COL16A1: variants seen among roughly 807,000 people sequenced by gnomAD.
The protein encoded by COL16A1 is collagen type XVI alpha 1 chain, also known as collagen alpha-1(XVI) chain.
Under a neutral mutation model 266.3 loss-of-function variants are expected in COL16A1, and 189 were observed. The observed-to-expected ratio is 0.71, with a 90% CI of 0.63 to 0.80. COL16A1 has a LOEUF of 0.80. Among genes scored for constraint, COL16A1 ranks in the 30% least tolerant of loss-of-function variants. The pLI is 0.00. For missense variants in COL16A1, 1,928 were observed against 2,122.4 expected (o/e 0.91, Z 1.80); for synonymous variants, 740 against 782.3 (o/e 0.95, Z 0.90).
In COL16A1 at chr1:31,685,578, C is replaced by G; in HGVS notation, c.2016+61G>C. 6.4e-7 allele frequency: 1 copy of G among 1,570,464 alleles called. No individual in the cohort carries two copies. The highest frequency in any genetic ancestry group is 8.7e-7 in the Non-Finnish European group (1 of 1,152,082). ...TCAAGAGACCCAGGCAGGACCCCTC[C>G]CCTCTCCTTAGCCCCGCCTGCATCC... On this transcript the variant is annotated intron_variant, in intron 29 of 70. Coordinates refer to ENST00000373672, the MANE Select transcript of COL16A1 (RefSeq NM_001856.4). This position sits in a 1 kb window ranked among gnomAD's most constrained non-coding sequence, Gnocchi z 4.0.
Position 31,695,233 on chromosome 1 carries a change from G to C in COL16A1, c.946-12C>G, listed in dbSNP as rs761566612. 6.2e-7 allele frequency: 1 copy of C among 1,613,766 alleles called. No homozygotes were observed. Among genetic ancestry groups the C allele is most frequent in the East Asian group, 2.2e-5 (1 of 44,852 alleles). ...ACACAGGGCGGACACTGAAAGGGAA[G>C]AGCAGGCGAAGAGGTCAATTCTGAG... On this transcript the variant is annotated splice_polypyrimidine_tract_variant and intron_variant, in intron 10 of 70. Coordinates refer to ENST00000373672, the MANE Select transcript of COL16A1 (RefSeq NM_001856.4).
chr1:31,681,199 C>T (rs1557658341), intron 37 of COL16A1, 132 bp from the exon 38 acceptor site: 12 of 1,294,714 alleles, frequency 9.3e-6, no homozygotes, highest in South Asian at 3.1e-5. Flanking sequence ...CGAGGGCCCA[C>T]GTTCCAGAGG....
chr1:31,660,793 G>A (rs541901876), intron 61 of COL16A1, among the ~76,000 whole-genome samples, 155 bp from the exon 62 acceptor site: 92 of 152,386 alleles, frequency 6.0e-4, no homozygotes, highest in African/African-American at 2.2e-3. Flanking sequence ...GTTTCCCGGA[G>A]AGTTAGGTAG....
At position 31,656,604 on chromosome 1, in the gene COL16A1, GA is replaced by G. The variant is rs1641177711; in HGVS notation, c.4057-161del. Among the ~76,000 whole-genome samples, 1 of 152,176 alleles carries G rather than the reference GA, an allele frequency of 6.6e-6. No homozygotes were observed. Among genetic ancestry groups the G allele is most frequent in the African/African-American group, 2.4e-5 (1 of 41,438 alleles). ...GGAGCGCAGCCTCCCTGCCCAGCTG[GA>G]AGGGAAAATAATGTCCTCTGGGGCA... is the stretch of plus-strand genomic sequence containing the variant. On this transcript the variant is annotated intron_variant, in intron 65 of 70. Transcript: ENST00000373672. This position sits in a 1 kb window ranked among gnomAD's most constrained non-coding sequence, Gnocchi z 4.2.
chr1:31,676,779 C>T (rs1289028326), intron 42 of COL16A1, among the ~76,000 whole-genome samples: 1 of 152,238 alleles, frequency 6.6e-6, no homozygotes, highest in Non-Finnish European at 1.5e-5. Flanking sequence ...GAATCCCCAG[C>T]ACCCAACATG....
rs1026553657 is a variant in COL16A1, at chr1:31,688,709, G to A, written c.1767+152C>T. On this transcript the variant is annotated intron_variant, in intron 25 of 70. Coordinates refer to ENST00000373672, the MANE Select transcript of COL16A1 (RefSeq NM_001856.4). This position sits in a 1 kb window ranked among gnomAD's most constrained non-coding sequence, Gnocchi z 4.9. ...AGGAGCCTGGGGCAGCACAGGGACG[G>A]AGGGAGGGACCAGGAGACAGGCCTG... 1 of 1,060,748 alleles carries A rather than the reference G, an allele frequency of 9.4e-7. No individual in the cohort carries two copies. Among genetic ancestry groups the A allele is most frequent in the South Asian group, 1.5e-5 (1 of 66,138 alleles). 65.7% of individuals were successfully genotyped at this position (1,060,748 alleles called of 1,614,324 possible).
At position 31,670,517 on chromosome 1, in the gene COL16A1, A is replaced by G; in HGVS notation, c.3195+85T>C. 1 of 1,297,340 alleles carries G rather than the reference A, an allele frequency of 7.7e-7. No homozygotes were observed. Among genetic ancestry groups the G allele is most frequent in the Non-Finnish European group, 9.9e-7 (1 of 1,013,888 alleles). 80.4% of individuals were successfully genotyped at this position (1,297,340 alleles called of 1,614,324 possible). A position where few individuals can be genotyped will look rare whatever the true frequency, so the allele number is the denominator to read the frequency against. Reference sequence around the variant, plus strand: ...CAACAAACACGGAGGACGGAGGTGAAGGCACGACAGGAGGGAGACAAGCAA... The same window carrying G: ...CAACAAACACGGAGGACGGAGGTGAGGGCACGACAGGAGGGAGACAAGCAA... On this transcript the variant is annotated intron_variant, in intron 49 of 70. Transcript: ENST00000373672. This position sits in a 1 kb window ranked among gnomAD's most constrained non-coding sequence, Gnocchi z 4.5.
intron 26 of COL16A1, among the ~76,000 whole-genome samples, chr1:31,687,485 C>A (rs1379832106): frequency 6.6e-6 from 1 of 151,796 alleles, no homozygotes; most frequent in African/African-American, 2.4e-5. Flanking sequence ...ACAGTGGCCA[C>A]GGGCAGGCCA....
intron 23 of COL16A1, 112 bp from the exon 24 acceptor site, chr1:31,689,197 A>G: frequency 6.5e-7 from 1 of 1,549,956 alleles, no homozygotes; most frequent in Admixed American, 1.9e-5. Context: ...CCAAACACCT[A>G]GGGGTCCCAT....
At chr1:31,699,514 G>A (rs1038505226) in intron 4 of COL16A1, among the ~76,000 whole-genome samples, 4 of 152,168 alleles carry the variant, frequency 2.6e-5, no homozygotes, top group Admixed American at 6.5e-5. Context: ...ATGCACACAC[G>A]CACATGACTC....
At position 31,688,854 on chromosome 1, in the gene COL16A1, C is replaced by G. The variant is rs375772077; in HGVS notation, c.1767+7G>C. Reference sequence around the variant, plus strand: ...CTGGGCTGGGCTGGGAGAAAGTCGTCACTCACCGGAAGGCCAGGCAGACCA... The same window carrying G: ...CTGGGCTGGGCTGGGAGAAAGTCGTGACTCACCGGAAGGCCAGGCAGACCA... On this transcript the variant is annotated splice_region_variant and intron_variant, in intron 25 of 70. Transcript: ENST00000373672. The surrounding 1 kb of genome is among the most constrained non-coding windows in gnomAD (Gnocchi z 4.9). 1.1e-5 allele frequency: 18 copies of G among 1,611,662 alleles called. No homozygotes were observed. The highest frequency in any genetic ancestry group is 1.5e-5 in the Non-Finnish European group (18 of 1,178,676).
Position 31,668,054 on chromosome 1 carries a change from G to T in COL16A1, c.3303+111C>A. 1 of 898,190 alleles carries T rather than the reference G, an allele frequency of 1.1e-6. No homozygotes were observed. Among genetic ancestry groups the T allele is most frequent in the Non-Finnish European group, 1.7e-6 (1 of 575,726 alleles). 55.6% of individuals were successfully genotyped at this position (898,190 alleles called of 1,614,324 possible). On this transcript the variant is annotated intron_variant, in intron 51 of 70. Transcript: ENST00000373672. The surrounding 1 kb of genome is among the most constrained non-coding windows in gnomAD (Gnocchi z 5.8). ...TTTAGGCAAAGGAGGAGGCTGAAATGCCCGGTAATGGGGAGCCCGCCGAGG... is the reference window on the plus strand; with the variant it reads ...TTTAGGCAAAGGAGGAGGCTGAAATTCCCGGTAATGGGGAGCCCGCCGAGG...
chr1:31,668,862 G>A lies in COL16A1; in HGVS notation c.3196-7C>T. 1 of 1,613,210 alleles carries A rather than the reference G, an allele frequency of 6.2e-7. No individual in the cohort carries two copies. The highest frequency in any genetic ancestry group is 1.1e-5 in the South Asian group (1 of 91,048). Reference sequence around the variant, plus strand: ...CTCGCTCTCCTTGAAGGCCCTTGGAGAGAAAAATCATGAGAAACTGCAGGA... The same window carrying A: ...CTCGCTCTCCTTGAAGGCCCTTGGAAAGAAAAATCATGAGAAACTGCAGGA... On this transcript the variant is annotated splice_region_variant and splice_polypyrimidine_tract_variant and intron_variant, in intron 49 of 70. Transcript: ENST00000373672. This position sits in a 1 kb window ranked among gnomAD's most constrained non-coding sequence, Gnocchi z 5.8.
At chr1:31,686,198 C>T in intron 27 of COL16A1, 46 bp downstream of exon 27, 2 of 1,614,208 alleles carry the variant, frequency 1.2e-6, no homozygotes, top group African/African-American at 1.3e-5. Context: ...ATCAGCCCCT[C>T]CCACCTTGTC....
At chr1:31,700,922 A>T (rs1285397007) in intron 2 of COL16A1, among the ~76,000 whole-genome samples, 2 of 152,222 alleles carry the variant, frequency 1.3e-5, no homozygotes, top group Admixed American at 1.3e-4. Flanking sequence ...GCCCTGAAAG[A>T]ACAGGTGGGC....
intron 69 of COL16A1, 73 bp from the exon 70 acceptor site, chr1:31,653,749 AC>A (rs1553156211): frequency 3.2e-6 from 1 of 313,642 alleles, no homozygotes; most frequent in Non-Finnish European, 5.1e-6. Flanking sequence ...TACTTGAAAC[AC>A]ACACACACAC....
At position 31,696,961 on chromosome 1, in the gene COL16A1, A is replaced by G. The variant is rs759825393; in HGVS notation, c.864+2T>C. 5.0e-6 allele frequency: 8 copies of G among 1,613,748 alleles called. No individual in the cohort carries two copies. In the Admixed American group the frequency reaches 1.2e-4, roughly 24 times the overall value. On this transcript the variant is annotated splice_donor_variant, in intron 8 of 70. Transcript: ENST00000373672. LOFTEE classifies it high-confidence loss of function. ...TGGCATCCACCTGTCCTGCCCACCCACCTCGCTGTTTTGAGGCTCCTCCAG... is the reference window on the plus strand; with the variant it reads ...TGGCATCCACCTGTCCTGCCCACCCGCCTCGCTGTTTTGAGGCTCCTCCAG...
intron 62 of COL16A1, 51 bp from the exon 63 acceptor site, chr1:31,659,015 C>A: frequency 6.6e-7 from 1 of 1,519,632 alleles, no homozygotes; most frequent in Admixed American, 2.0e-5. Context: ...TAGTAAGACC[C>A]CTGGGAGGCA....
chr1:31,677,006 C>T (rs1416967239), intron 42 of COL16A1, among the ~76,000 whole-genome samples: 2 of 152,256 alleles, frequency 1.3e-5, no homozygotes, highest in African/African-American at 4.8e-5. Context: ...CCCCCTGGCA[C>T]CTCTGTGCAC....
Sources: allele counts gnomAD v4.1 joint callset (sites outside exome capture counted in the v4.1 genomes callset), GRCh38; gene constraint gnomAD v4.1.1; non-coding constraint Gnocchi (gnomAD v3.1); transcripts MANE v1.5; gene names NCBI Gene and HGNC (gene_info 2026-07-23, HGNC 2026-07-21).